STARD9: variants seen among roughly 807,000 people sequenced by gnomAD.
STARD9 encodes the protein stAR-related lipid transfer protein 9.
In STARD9, 346 loss-of-function variants were observed where a neutral mutation model predicts 399.8. The observed-to-expected ratio is 0.87, with a 90% CI of 0.79 to 0.95. The LOEUF is 0.95. Ranked by LOEUF, STARD9 falls within the 40% of genes least tolerant of loss-of-function variation. The pLI, the probability that STARD9 is intolerant of heterozygous loss-of-function variation, is 0.00. For synonymous variants in STARD9, 2,203 were observed against 2,143.5 expected (o/e 1.03, Z -0.77); for missense variants, 5,832 against 5,667.5 (o/e 1.03, Z -0.93).
chr15:42,639,367 A>C (rs1169778922), intron 7 of STARD9, among the ~76,000 whole-genome samples: 1 of 152,112 alleles, frequency 6.6e-6, no homozygotes, highest in Non-Finnish European at 1.5e-5. Context: ...TTCCCTGGTA[A>C]ACCAGTCCCC....
chr15:42,681,831 A>G (rs1030533626), intron 21 of STARD9, among the ~76,000 whole-genome samples: 7 of 151,738 alleles, frequency 4.6e-5, no homozygotes, highest in South Asian at 2.1e-4. Flanking sequence ...AGAATTACGG[A>G]CCTCCTACTT....
At position 42,692,823 on chromosome 15, in the gene STARD9, A is replaced by G; in HGVS notation, c.11245A>G (p.Thr3749Ala). The change falls in exon 23 of 33, where the codon ACT becomes GCT. Residue 3749 changes from threonine to alanine, a missense_variant. Thr to Ala is a moderately conservative substitution (Grantham distance 58, BLOSUM62 0). Transcript: ENST00000290607. ...DLTLPTLCLQ[T>A]SEAEPQGANV... ...CACCTTACCCACCCTGTGCCTCCAG[A>G]CTTCAGAGGCTGAACCTCAGGGAGC... is the stretch of plus-strand genomic sequence containing the variant. The G allele has an allele frequency of 1.3e-6, 2 of 1,537,148 alleles. No individual in the cohort carries two copies. Among genetic ancestry groups the G allele is most frequent in the Non-Finnish European group, 1.7e-6 (2 of 1,146,900 alleles).
At chr15:42,699,161 C>G (rs2060906210) in intron 26 of STARD9, among the ~76,000 whole-genome samples, 1 of 152,112 alleles carries the variant, frequency 6.6e-6, no homozygotes, top group Non-Finnish European at 1.5e-5. Context: ...AAACATTTAT[C>G]ATTTCTTTGT....
At chr15:42,649,395 G>A (rs879337157) in intron 7 of STARD9, among the ~76,000 whole-genome samples, 2 of 152,004 alleles carry the variant, frequency 1.3e-5, no homozygotes, top group Non-Finnish European at 2.9e-5. Flanking sequence ...CTATCTTCCT[G>A]CTCACTCATT....
At chr15:42,601,761 C>T (rs1232866260) in intron 3 of STARD9, among the ~76,000 whole-genome samples, 2 of 152,226 alleles carry the variant, frequency 1.3e-5, no homozygotes, top group Admixed American at 6.5e-5. Context: ...ATTCCACAAA[C>T]CCTATAGCAT....
Position 42,694,224 on chromosome 15 carries a change from A to G in STARD9, c.12646A>G (p.Lys4216Glu). 6.5e-7 allele frequency: 1 copy of G among 1,535,532 alleles called. No individual in the cohort carries two copies. Reference protein sequence around the residue: ...LSLSVELTEAKLHHGFGEADA... With the variant: ...LSLSVELTEAELHHGFGEADA... The stretch of plus-strand genomic sequence containing the variant: ...ACTCAGCGTGGAACTCACAGAAGCG[A>G]AACTGCACCATGGCTTTGGGGAGGC... The change falls in exon 23 of 33, where the codon AAA becomes GAA. Residue 4216 changes from lysine to glutamate, a missense_variant. Lys to Glu is a moderately conservative substitution (Grantham distance 56, BLOSUM62 1). Coordinates refer to ENST00000290607, the MANE Select transcript of STARD9 (RefSeq NM_020759.3).
intron 9 of STARD9, among the ~76,000 whole-genome samples, chr15:42,658,186 C>G (rs1434516441): frequency 1.3e-5 from 2 of 151,916 alleles, no homozygotes; most frequent in Non-Finnish European, 2.9e-5. Flanking sequence ...ACTCTGTCAC[C>G]CAGGCTAGAG....
intron 15 of STARD9, among the ~76,000 whole-genome samples, chr15:42,667,541 G>A (rs1245496281): frequency 1.3e-5 from 2 of 151,744 alleles, no homozygotes; most frequent in Non-Finnish European, 2.9e-5. Context: ...GAGTGCAATG[G>A]TGTAATCTCG....
intron 3 of STARD9, among the ~76,000 whole-genome samples, chr15:42,631,564 A>C (rs2141901155): frequency 6.6e-6 from 1 of 151,942 alleles, no homozygotes; most frequent in African/African-American, 2.4e-5. Context: ...TGGGTGACAG[A>C]GCGAGATTCC....
At chr15:42,718,277 C>T in intron 30 of STARD9, 98 bp downstream of exon 30, 1 of 1,294,746 alleles carries the variant, frequency 7.7e-7, no homozygotes, top group Middle Eastern at 2.0e-4. Context: ...AGGCAGCCCT[C>T]TTTGGAGGCC....
At chr15:42,707,508 C>T (rs568118598) in intron 26 of STARD9, among the ~76,000 whole-genome samples, 45 of 144,840 alleles carry the variant, frequency 3.1e-4, no homozygotes, top group South Asian at 1.1e-3. Context: ...CTTGCTGTGT[C>T]GCCAAGGCTG....
At chr15:42,646,088 A>G (rs1048215631) in intron 7 of STARD9, among the ~76,000 whole-genome samples, 3 of 152,048 alleles carry the variant, frequency 2.0e-5, no homozygotes, top group African/African-American at 7.2e-5. Flanking sequence ...TTGAACCCAG[A>G]AGGCAGAGGT....
chr15:42,609,804 G>C (rs1198411207), intron 3 of STARD9, among the ~76,000 whole-genome samples: 1 of 151,912 alleles, frequency 6.6e-6, no homozygotes, highest in African/African-American at 2.4e-5. Flanking sequence ...AAATGTATTT[G>C]AATAATGGCT....
Position 42,692,481 on chromosome 15 carries a change from A to G in STARD9, c.10903A>G (p.Thr3635Ala). The G allele has an allele frequency of 1.3e-6, 2 of 1,537,108 alleles. No homozygotes were observed. Among genetic ancestry groups the G allele is most frequent in the Non-Finnish European group, 1.7e-6 (2 of 1,146,902 alleles). Residue 3635 changes from threonine to alanine, a missense_variant, in exon 23 of 33, where the codon ACG (threonine) becomes GCG (alanine). By Grantham distance (58) the Thr-to-Ala change is moderately conservative (BLOSUM62 0). Around this residue, in one of 2 missense-constraint regions of STARD9, gnomAD observed 5,828 missense variants for 5,651.1 expected, o/e 1.03. Transcript: ENST00000290607. Reference protein sequence around the residue: ...EAGCPVGQTRTNTFEQGTQTL... With the variant: ...EAGCPVGQTRANTFEQGTQTL... The stretch of plus-strand genomic sequence containing the variant: ...AGGCTGCCCTGTGGGACAGACCAGG[A>G]CGAACACATTCGAACAGGGCACACA...
In STARD9 at chr15:42,691,984, ATGCGCTGCCG is replaced by A; in HGVS notation, c.10409_10418del (p.Ala3470GlyfsTer31). The A allele has an allele frequency of 2.0e-6, 3 of 1,537,164 alleles. No individual in the cohort carries two copies. Among genetic ancestry groups the A allele is most frequent in the Non-Finnish European group, 2.6e-6 (3 of 1,146,878 alleles). ...TTTGGCTCCAGTGACATCAGTCCCTATGCGCTGCCGTGGCGTCCGGAGGAGCCTGCACGTA... is the reference window on the plus strand; with the variant it reads ...TTTGGCTCCAGTGACATCAGTCCCTATGGCGTCCGGAGGAGCCTGCACGTA... On this transcript the variant is annotated frameshift_variant, in exon 23 of 33. Coordinates refer to ENST00000290607, the MANE Select transcript of STARD9 (RefSeq NM_020759.3). LOFTEE classifies it high-confidence loss of function.
At chr15:42,709,379 C>A (rs1426039890) in intron 26 of STARD9, among the ~76,000 whole-genome samples, 3 of 151,934 alleles carry the variant, frequency 2.0e-5, no homozygotes, top group Non-Finnish European at 2.9e-5. Flanking sequence ...CAGAGGGAGA[C>A]CCTGTCTCAA....
intron 26 of STARD9, among the ~76,000 whole-genome samples, chr15:42,705,910 G>A (rs1252805367): frequency 2.0e-5 from 3 of 151,850 alleles, no homozygotes; most frequent in East Asian, 3.9e-4. Flanking sequence ...CTGCCCCCAC[G>A]CCTGGCTAAT....
chr15:42,625,367 G>C (rs944340446), intron 3 of STARD9, among the ~76,000 whole-genome samples: 1 of 151,424 alleles, frequency 6.6e-6, no homozygotes, highest in Non-Finnish European at 1.5e-5. Context: ...GTCTGACTCT[G>C]TCGCCCAGAC....
chr15:42,691,335 G>A lies in STARD9; in HGVS notation c.9757G>A (p.Ala3253Thr). Residue 3253 changes from alanine (A) to threonine (T), a missense_variant, in exon 23 of 33, where the codon GCT becomes ACT. By Grantham distance (58) the Ala-to-Thr change is moderately conservative (BLOSUM62 0). Around this residue, in one of 2 missense-constraint regions of STARD9, gnomAD observed 5,828 missense variants for 5,651.1 expected, o/e 1.03. Transcript: ENST00000290607. Reference protein sequence around the residue: ...QILDAGREEVAVAKPPVSKIL... With the variant: ...QILDAGREEVTVAKPPVSKIL... ...TTTAGATGCTGGGAGAGAGGAGGTG[G>A]CTGTGGCCAAGCCTCCTGTGTCCAA... is the stretch of plus-strand genomic sequence containing the variant. 1.3e-6 allele frequency: 2 copies of A among 1,537,182 alleles called. No homozygotes were observed. The highest frequency in any genetic ancestry group is 1.7e-6 in the Non-Finnish European group (2 of 1,146,878).
Sources: gnomAD v4.1 joint callset for allele counts (sites outside exome capture counted in the v4.1 genomes callset) on GRCh38, gnomAD v4.1.1 for gene constraint, gnomAD v4.1.1 regional missense constraint, MANE v1.5 for transcripts, NCBI Gene and HGNC (gene_info 2026-07-23, HGNC 2026-07-21) for gene names.